BOK: variants seen among roughly 807,000 people sequenced by gnomAD.
BOK encodes the protein BCL2 family apoptosis regulator BOK.
In BOK, 20 loss-of-function variants were observed where a neutral mutation model predicts 18.3. That is an observed-to-expected ratio of 1.09 (90% CI 0.77 to 1.59). The LOEUF is 1.59. Ranked by LOEUF, BOK falls within the 40% of genes most tolerant of loss-of-function variation. BOK has a pLI of 0.00. For synonymous variants in BOK, 173 were observed against 142.4 expected (o/e 1.21, Z -1.53); for missense variants, 348 against 307.9 (o/e 1.13, Z -0.97).
At chr2:241,569,992 C>G (rs1221141703) in intron 3 of BOK, 133 bp from the exon 4 acceptor site, 34 of 1,162,684 alleles carry the variant, frequency 2.9e-5, no homozygotes, top group Non-Finnish European at 3.8e-5. Flanking sequence ...AGGGAGCGGT[C>G]CCCCCTTGGG....
intron 2 of BOK, 35 bp downstream of exon 2, chr2:241,559,738 TC>T: frequency 1.6e-6 from 2 of 1,282,852 alleles, no homozygotes; most frequent in Non-Finnish European, 2.0e-6. Flanking sequence ...CAGCTGCGCC[TC>T]CTCCCCTGCT....
rs2066491771 is a variant in BOK, at chr2:241,559,488, A to G, written c.5A>G (p.Glu2Gly). M[E>G]VLRRSSVFAA... ...CCCCCCACCCGCGTCGCCGCCATGG[A>G]GGTGCTGCGGCGCTCCTCGGTCTTC... is the stretch of plus-strand genomic sequence containing the variant. The change falls in exon 2 of 5, where the codon GAG becomes GGG. Residue 2 changes from glutamate (E) to glycine (G), a missense_variant. Transcript: ENST00000318407. 1 of 1,470,702 alleles carries G rather than the reference A, an allele frequency of 6.8e-7. No individual in the cohort carries two copies. The highest frequency in any genetic ancestry group is 1.3e-5 in the South Asian group (1 of 76,462). The allele number at this position is 1,470,702 out of a possible 1,614,324, so 91.1% of individuals were successfully genotyped here. A position where few individuals can be genotyped will look rare whatever the true frequency, so the allele number is the denominator to read the frequency against.
intron 2 of BOK, among the ~76,000 whole-genome samples, chr2:241,561,082 C>T (rs527930255): frequency 6.6e-6 from 1 of 152,246 alleles, no homozygotes; most frequent in African/African-American, 2.4e-5. Context: ...CCCCCGCCCC[C>T]AGCCAGCCTC....
rs1351310619 is a variant in BOK, at chr2:241,553,020, G to T, written n.54+1543G>T. ...CACCGGGTAGTGGGTGGAGAGGCCA[G>T]TCCAGAGTGAGGTGGCCGGCACAAA... On this transcript the variant is annotated intron_variant and non_coding_transcript_variant, in intron 1 of 1. Transcript: ENST00000641230. Among the ~76,000 whole-genome samples the T allele has an allele frequency of 2.6e-5, 4 of 152,264 alleles. No homozygotes were observed. In the East Asian group the frequency reaches 7.7e-4, roughly 29 times the overall value.
chr2:241,555,807 AC>A (rs1370924564), upstream of BOK, among the ~76,000 whole-genome samples: 1 of 152,086 alleles, frequency 6.6e-6, no homozygotes, highest in Non-Finnish European at 1.5e-5. Context: ...GTGGCCCACT[AC>A]CCCCATGTCA....
At chr2:241,569,822 G>A (rs142961357) in intron 3 of BOK, among the ~76,000 whole-genome samples, 31 of 152,320 alleles carry the variant, frequency 2.0e-4, no homozygotes, top group Middle Eastern at 3.4e-3. Flanking sequence ...GGTGCCACCC[G>A]TGAGGTCACT....
intron 3 of BOK, 108 bp from the exon 4 acceptor site, chr2:241,570,016 AT>A (rs1239467683): frequency 1.4e-5 from 19 of 1,364,246 alleles, no homozygotes; most frequent in African/African-American, 3.0e-5. Flanking sequence ...GTCCCTGGTC[AT>A]TAGCTGGACG....
chr2:241,558,066 C>G (rs568529973), upstream of BOK, among the ~76,000 whole-genome samples: 3 of 152,050 alleles, frequency 2.0e-5, no homozygotes, highest in South Asian at 6.3e-4. Flanking sequence ...CACACACACA[C>G]ACACACACAC....
intron 3 of BOK, among the ~76,000 whole-genome samples, chr2:241,566,722 C>A (rs1428073271): frequency 1.2e-5 from 1 of 80,308 alleles, no homozygotes; most frequent in Non-Finnish European, 2.5e-5. Flanking sequence ...CCTTTTCCTG[C>A]CACCTCAACC....
At chr2:241,553,341 G>C (rs572272511) in intron 1 of BOK, among the ~76,000 whole-genome samples, 1 of 152,188 alleles carries the variant, frequency 6.6e-6, no homozygotes, top group Admixed American at 6.5e-5. Flanking sequence ...TAGTAGAGAC[G>C]GGGTTTCACC....
At position 241,559,488 on chromosome 2, in the gene BOK, A is replaced by T. The variant is rs2066491771; in HGVS notation, c.5A>T (p.Glu2Val). 2 of 1,470,594 alleles carry T rather than the reference A, an allele frequency of 1.4e-6. No homozygotes were observed. The highest frequency in any genetic ancestry group is 9.0e-7 in the Non-Finnish European group (1 of 1,116,000). 91.1% of individuals were successfully genotyped at this position (1,470,594 alleles called of 1,614,324 possible). M[E>V]VLRRSSVFAA... is the part of the protein sequence containing the mutation. Reference sequence around the variant, plus strand: ...CCCCCCACCCGCGTCGCCGCCATGGAGGTGCTGCGGCGCTCCTCGGTCTTC... The same window carrying T: ...CCCCCCACCCGCGTCGCCGCCATGGTGGTGCTGCGGCGCTCCTCGGTCTTC... Residue 2 changes from glutamate to valine, a missense_variant, in exon 2 of 5, where the codon GAG becomes GTG. Coordinates refer to ENST00000318407, the MANE Select transcript of BOK (RefSeq NM_032515.5).
intron 4 of BOK, among the ~76,000 whole-genome samples, chr2:241,571,988 G>A (rs2066730995): frequency 6.6e-6 from 1 of 152,210 alleles, no homozygotes; most frequent in South Asian, 2.1e-4. Flanking sequence ...GATGTCTGGA[G>A]CCCCAGCGAG....
At chr2:241,560,166 T>G (rs2066505872) in intron 2 of BOK, 1 of 985,302 alleles carries the variant, frequency 1.0e-6, no homozygotes, top group African/African-American at 1.7e-5. Flanking sequence ...CCGGGCTGGG[T>G]AGCCAAAACC....
chr2:241,565,654 G>A (rs2066599514), intron 3 of BOK, among the ~76,000 whole-genome samples: 1 of 152,186 alleles, frequency 6.6e-6, no homozygotes, highest in African/African-American at 2.4e-5. Flanking sequence ...CAGGCAAGCT[G>A]CACAGCCCGC....
upstream of BOK, among the ~76,000 whole-genome samples, chr2:241,556,340 T>A (rs2125042064): frequency 6.6e-6 from 1 of 152,336 alleles, no homozygotes; most frequent in South Asian, 2.1e-4. Context: ...ATCCCAGAAC[T>A]TTGTGATGCC....
At position 241,570,177 on chromosome 2, in the gene BOK, C is replaced by G; in HGVS notation, c.402C>G (p.Ala134=). 6.2e-7 allele frequency: 1 copy of G among 1,610,700 alleles called. No individual in the cohort carries two copies. Among genetic ancestry groups the G allele is most frequent in the Non-Finnish European group, 8.5e-7 (1 of 1,179,174 alleles). ...VSLYAVAAGL[A]VDCVRQAQPA... ...TGTATGCGGTGGCCGCGGGGCTGGC[C>G]GTGGACTGTGTGAGGCAGGCCCAGC... Residue 134 remains alanine (A), a synonymous_variant, in exon 4 of 5, where the codon GCC becomes GCG. Transcript: ENST00000318407.
At chr2:241,551,813 C>A (rs1024988939) in intron 1 of BOK, among the ~76,000 whole-genome samples, 17 of 152,250 alleles carry the variant, frequency 1.1e-4, no homozygotes, top group African/African-American at 3.1e-4. Flanking sequence ...AAGGTTCGAC[C>A]GCAGCGAGGG....
chr2:241,553,070 C>A (rs921492965), intron 1 of BOK, among the ~76,000 whole-genome samples: 34 of 152,374 alleles, frequency 2.2e-4, no homozygotes, highest in Non-Finnish European at 3.7e-4. Context: ...CTGCCACCGA[C>A]CCCCGTGGCC....
intron 2 of BOK, 95 bp downstream of exon 2, chr2:241,559,798 G>A: frequency 8.2e-7 from 1 of 1,226,760 alleles, no homozygotes; most frequent in Non-Finnish European, 1.0e-6. Context: ...GCCCAGGGGC[G>A]CCCACCCCCT....
Sources: allele counts gnomAD v4.1 joint callset (sites outside exome capture counted in the v4.1 genomes callset), GRCh38; gene constraint gnomAD v4.1.1; transcripts MANE v1.5; gene names NCBI Gene and HGNC (gene_info 2026-07-23, HGNC 2026-07-21).